Variants in AGBL1 observed in about 807,000 individuals in gnomAD.
The protein encoded by AGBL1 is cytosolic carboxypeptidase 4.
A neutral mutation model predicts 118.9 loss-of-function variants in AGBL1; 130 were observed. The observed-to-expected ratio is 1.09, with a 90% confidence interval of 0.95 to 1.26. AGBL1 has a LOEUF of 1.26. AGBL1 is among the 50% of genes most tolerant of loss of function. The pLI is 0.00. For synonymous variants in AGBL1, 555 were observed against 478.9 expected, an observed-to-expected ratio of 1.16 and a Z score of -2.08; for missense variants, 1,584 against 1,298.1, an observed-to-expected ratio of 1.22 and a Z score of -3.38.
intron 23 of AGBL1, among the ~76,000 whole-genome samples, chr15:86,962,501 G>T (rs542894531): frequency 2.0e-5 from 3 of 151,646 alleles, no homozygotes; most frequent in Non-Finnish European, 4.4e-5. Flanking sequence ...CCACATATTC[G>T]TTTCACCACA....
chr15:86,859,627 T>A (rs965970606), intron 22 of AGBL1, among the ~76,000 whole-genome samples: 1 of 152,090 alleles, frequency 6.6e-6, no homozygotes, highest in Non-Finnish European at 1.5e-5. Context: ...TCTGTAAGGG[T>A]GCCGAGAACA....
downstream of AGBL1, among the ~76,000 whole-genome samples, chr15:86,917,786 G>GA (rs574471760): frequency 6.3e-4 from 81 of 128,526 alleles, no homozygotes; most frequent in African/African-American, 1.7e-3. This position sits in a 1 kb window ranked among gnomAD's most constrained non-coding sequence, Gnocchi z 4.8. Flanking sequence ...GAAGGAGAGA[G>GA]AGAGAAGAGA....
chr15:86,523,992 T>A (rs558753936), intron 19 of AGBL1, among the ~76,000 whole-genome samples: 7 of 152,336 alleles, frequency 4.6e-5, no homozygotes, highest in African/African-American at 1.7e-4. Flanking sequence ...GAAGCTCACA[T>A]ACGGGCCAAA....
At chr15:86,748,510 CTTTTTTTTTTTTTTTT>C (rs752203969) in intron 22 of AGBL1, among the ~76,000 whole-genome samples, 70 of 9,776 alleles carry the variant, frequency 7.2e-3, no homozygotes, top group Admixed American at 0.018. Context: ...TCAATTTTGG[CTTTTTTTTTTTTTTTT>C]TTTTTTTTTT....
At chr15:86,367,999 T>C (rs1460475664) in intron 17 of AGBL1, among the ~76,000 whole-genome samples, 1 of 152,038 alleles carries the variant, frequency 6.6e-6, no homozygotes, top group Non-Finnish European at 1.5e-5. Context: ...GGCTCACTAT[T>C]TGATGTCAGA....
intron 21 of AGBL1, among the ~76,000 whole-genome samples, chr15:86,670,969 G>C (rs2085737411): frequency 6.6e-6 from 1 of 152,028 alleles, no homozygotes; most frequent in Non-Finnish European, 1.5e-5. Context: ...TGCAGACATA[G>C]GGACCTATAT....
rs981768830 is a variant in AGBL1, at chr15:86,191,530, A to G, written c.488+32504A>G. Among the ~76,000 whole-genome samples, 9 of 152,116 alleles carry G rather than the reference A, an allele frequency of 5.9e-5. 2 individuals are homozygous for G. The South Asian group carries it at 1.7e-3, about 28-fold the overall frequency. ...AGAAAAAGTCAAAGAGATTAATGCA[A>G]CTAGAATGACAATAATTTATAAGAA... On this transcript the variant is annotated intron_variant, in intron 5 of 22. Transcript: ENST00000614907.
chr15:86,980,134 GAGC>G (rs35445037), intron 23 of AGBL1, among the ~76,000 whole-genome samples: 26,701 of 152,040 alleles, frequency 0.18, 2,350 homozygotes, highest in Non-Finnish European at 0.18. Flanking sequence ...TGCCCTCCTA[GAGC>G]AGCAACTCAA....
intron 18 of AGBL1, among the ~76,000 whole-genome samples, chr15:86,409,563 C>T (rs2081581856): frequency 6.6e-6 from 1 of 151,996 alleles, no homozygotes; most frequent in Non-Finnish European, 1.5e-5. Context: ...ATTTATTATC[C>T]CCAAATTTAG....
chr15:86,465,916 C>T (rs1396534811), intron 18 of AGBL1, among the ~76,000 whole-genome samples: 1 of 152,144 alleles, frequency 6.6e-6, no homozygotes, highest in Non-Finnish European at 1.5e-5. Context: ...CTCTGTGACC[C>T]ACTCCCTATT....
chr15:86,158,850 G>T lies in AGBL1; in HGVS notation c.395-83G>T, dbSNP rs1597473155. The T allele has an allele frequency of 3.3e-6, 4 of 1,201,958 alleles. No homozygotes were observed. The East Asian group carries it at 7.3e-5, about 22-fold the overall frequency. The allele number at this position is 1,201,958 out of a possible 1,614,324, so 74.5% of individuals were successfully genotyped here. A position where few individuals can be genotyped will look rare whatever the true frequency, so the allele number is the denominator to read the frequency against. On this transcript the variant is annotated intron_variant, in intron 4 of 22. Transcript: ENST00000614907. ...CTTGTTTATCAAGTTGCCCCTTAAA[G>T]ATTTAAAGGAGTCAATCCAAGTTGT... is the stretch of plus-strand genomic sequence containing the variant.
chr15:86,615,460 T>G lies in AGBL1; in HGVS notation c.2995-58813T>G, dbSNP rs1327806872. Among the ~76,000 whole-genome samples the G allele has an allele frequency of 6.6e-6, 1 of 152,196 alleles. No individual in the cohort carries two copies. Among genetic ancestry groups the G allele is most frequent in the Non-Finnish European group, 1.5e-5 (1 of 68,038 alleles). ...AGATTATTTGATGGTTACTGTGGCT[T>G]TAACTAAAATAGGCAACACAAATTG... On this transcript the variant is annotated intron_variant, in intron 21 of 22. Transcript: ENST00000614907. This position sits in a 1 kb window ranked among gnomAD's most constrained non-coding sequence, Gnocchi z 4.3.
chr15:86,746,988 T>C (rs537338365), intron 22 of AGBL1, among the ~76,000 whole-genome samples: 16 of 152,132 alleles, frequency 1.1e-4, no homozygotes, highest in Admixed American at 3.9e-4. Context: ...AAATATTCAG[T>C]AACTCAGCAA....
chr15:86,542,513 C>G (rs2083517756), intron 19 of AGBL1, among the ~76,000 whole-genome samples: 1 of 151,540 alleles, frequency 6.6e-6, no homozygotes. Flanking sequence ...ATTACAGGCG[C>G]ATGCCACCAT....
At chr15:87,014,786 T>A (rs982322646) in intron 24 of AGBL1, among the ~76,000 whole-genome samples, 1 of 152,178 alleles carries the variant, frequency 6.6e-6, no homozygotes, top group African/African-American at 2.4e-5. Context: ...CTCTGAATAC[T>A]ATGTCTATCT....
chr15:86,892,465 A>C (rs1240204348), intron 22 of AGBL1, among the ~76,000 whole-genome samples: 2 of 152,156 alleles, frequency 1.3e-5, no homozygotes, highest in Non-Finnish European at 2.9e-5. Flanking sequence ...GAATCAAGGG[A>C]TATAGGAACC....
chr15:86,480,328 C>G (rs1039687408), intron 18 of AGBL1, among the ~76,000 whole-genome samples: 3 of 152,060 alleles, frequency 2.0e-5, no homozygotes, highest in Non-Finnish European at 2.9e-5. Flanking sequence ...ATATTGTATA[C>G]TGTAAATGTA....
intron 22 of AGBL1, among the ~76,000 whole-genome samples, chr15:86,708,380 T>G (rs1332257897): frequency 1.3e-5 from 2 of 152,044 alleles, no homozygotes; most frequent in African/African-American, 4.8e-5. Context: ...GAGGACACAG[T>G]GAGAAGGTGG....
chr15:86,213,594 C>T (rs2078136962), intron 5 of AGBL1, among the ~76,000 whole-genome samples: 1 of 152,072 alleles, frequency 6.6e-6, no homozygotes, highest in Admixed American at 6.6e-5. Context: ...CGCTGGTGAA[C>T]TTTTCTGTTG....
Sources: allele counts gnomAD v4.1 joint callset (sites outside exome capture counted in the v4.1 genomes callset), GRCh38; gene constraint gnomAD v4.1.1; non-coding constraint Gnocchi (gnomAD v3.1); transcripts MANE v1.5; gene names NCBI Gene and HGNC (gene_info 2026-07-23, HGNC 2026-07-21).